Variants in SINHCAF observed in about 807,000 individuals in gnomAD.
SINHCAF encodes the protein SIN3-HDAC complex associated factor.
A neutral mutation model predicts 25.8 loss-of-function variants in SINHCAF; 3 were observed. The ratio of observed to expected loss-of-function variants is 0.12; its 90% CI spans 0.05 to 0.30. SINHCAF has a LOEUF of 0.30. Among genes scored for constraint, SINHCAF ranks in the 10% least tolerant of loss-of-function variants. The pLI, the probability that SINHCAF is intolerant of heterozygous loss-of-function variation, is 1.00. For synonymous variants in SINHCAF, 70 were observed against 85.5 expected, an observed-to-expected ratio of 0.82 and a Z score of 1.00; for missense variants, 121 against 262.3, an observed-to-expected ratio of 0.46 and a Z score of 3.72.
chr12:31,284,878 GCAAGTT>G (rs1156377381), intron 5 of SINHCAF, among the ~76,000 whole-genome samples: 3 of 152,052 alleles, frequency 2.0e-5, no homozygotes, highest in Non-Finnish European at 4.4e-5. Context: ...TTCTGTTAGG[GCAAGTT>G]TATCCACATC....
rs988155224 is a variant in SINHCAF, at chr12:31,325,805, A to G, written c.-21+219T>C. The stretch of plus-strand genomic sequence containing the variant: ...CGGTTTGCCTCAAATACCCTCCCCA[A>G]TTAATAAATACACACTAAACACGAG... On this transcript the variant is annotated intron_variant, in intron 1 of 5. Coordinates refer to ENST00000337682, the MANE Select transcript of SINHCAF (RefSeq NM_001135812.2). This position sits in a 1 kb window ranked among gnomAD's most constrained non-coding sequence, Gnocchi z 5.9. The G allele has an allele frequency of 6.4e-6, 1 of 155,088 alleles. No homozygotes were observed. Among genetic ancestry groups the G allele is most frequent in the African/African-American group, 2.4e-5 (1 of 41,418 alleles). 9.6% of individuals were successfully genotyped at this position (155,088 alleles called of 1,614,324 possible).
chr12:31,299,505 A>C (rs770624520), intron 1 of SINHCAF, among the ~76,000 whole-genome samples: 1 of 152,050 alleles, frequency 6.6e-6, no homozygotes, highest in Non-Finnish European at 1.5e-5. Context: ...TTTAGTAGAG[A>C]CAGGGTTTCA....
chr12:31,292,244 T>TA (rs1219202960), intron 4 of SINHCAF, among the ~76,000 whole-genome samples: 2 of 152,204 alleles, frequency 1.3e-5, no homozygotes, highest in African/African-American at 4.8e-5. Flanking sequence ...TTCACACTTG[T>TA]AATCCCAGCA....
At chr12:31,290,117 C>T (rs567828233) in intron 4 of SINHCAF, among the ~76,000 whole-genome samples, 1 of 152,082 alleles carries the variant, frequency 6.6e-6, no homozygotes, top group South Asian at 2.1e-4. Context: ...CATGGTCACA[C>T]CTAGCCAAGA....
chr12:31,309,127 CAA>C (rs757095598), intron 1 of SINHCAF, among the ~76,000 whole-genome samples: 15,635 of 74,646 alleles, frequency 0.21, 561 homozygotes, highest in Non-Finnish European at 0.28. Flanking sequence ...GATTCTGTCT[CAA>C]AAAAAAAAAA....
rs765491453 is a variant in SINHCAF at position 31,325,227 on chromosome 12, G to A, written c.-21+797C>T. On this transcript the variant is annotated intron_variant, in intron 1 of 5. Transcript: ENST00000337682. This position sits in a 1 kb window ranked among gnomAD's most constrained non-coding sequence, Gnocchi z 5.9. ...CACCTACGCTACAGGTGAACGCACCGGGAGCAAAACTTCGGGCTCCGAAAG... is the reference window on the plus strand; with the variant it reads ...CACCTACGCTACAGGTGAACGCACCAGGAGCAAAACTTCGGGCTCCGAAAG... The A allele has an allele frequency of 1.8e-5, 8 of 456,794 alleles. No homozygotes were observed. Among genetic ancestry groups the A allele is most frequent in the South Asian group, 1.1e-4 (7 of 64,572 alleles). 28.3% of individuals were successfully genotyped at this position (456,794 alleles called of 1,614,324 possible). A position where few individuals can be genotyped will look rare whatever the true frequency, so the allele number is the denominator to read the frequency against.
rs923289731 is a variant in SINHCAF at position 31,325,612 on chromosome 12, G to C, written c.-21+412C>G. 3.8e-5 allele frequency: 7 copies of C among 186,498 alleles called. No individual in the cohort carries two copies. The highest frequency in any genetic ancestry group is 1.7e-4 in the African/African-American group (7 of 41,800). The allele number at this position is 186,498 out of a possible 1,614,324, so 11.6% of individuals were successfully genotyped here. The stretch of plus-strand genomic sequence containing the variant: ...GACGCACCGACCCCGGCCGCTGCGC[G>C]GTGGCCAACGAGTCGCTTTCCTCTC... On this transcript the variant is annotated intron_variant, in intron 1 of 5. Coordinates refer to ENST00000337682, the MANE Select transcript of SINHCAF (RefSeq NM_001135812.2). The surrounding 1 kb of genome is among the most constrained non-coding windows in gnomAD (Gnocchi z 5.9).
At chr12:31,311,081 C>T (rs1275788348) in intron 1 of SINHCAF, among the ~76,000 whole-genome samples, 2 of 152,154 alleles carry the variant, frequency 1.3e-5, no homozygotes, top group African/African-American at 4.8e-5. Context: ...GTTGGCCAGG[C>T]TGGCCTCGAA....
At chr12:31,314,291 G>A (rs1284161830) in intron 1 of SINHCAF, among the ~76,000 whole-genome samples, 2 of 151,726 alleles carry the variant, frequency 1.3e-5, no homozygotes, top group Admixed American at 6.6e-5. Context: ...TTTAGGAGGC[G>A]AGGCGGGCGG....
chr12:31,305,354 G>A (rs1298432940), intron 1 of SINHCAF, among the ~76,000 whole-genome samples: 1 of 152,160 alleles, frequency 6.6e-6, no homozygotes, highest in Non-Finnish European at 1.5e-5. Flanking sequence ...CTTTTCATGA[G>A]CTGGTGAACA....
chr12:31,321,905 G>T (rs1396085704), intron 1 of SINHCAF, among the ~76,000 whole-genome samples: 1 of 151,984 alleles, frequency 6.6e-6, no homozygotes, highest in Non-Finnish European at 1.5e-5. Flanking sequence ...ATGTAAAATG[G>T]TTCTTAAATT....
intron 1 of SINHCAF, among the ~76,000 whole-genome samples, chr12:31,322,091 A>G (rs891122142): frequency 3.3e-5 from 5 of 152,192 alleles, no homozygotes; most frequent in African/African-American, 1.2e-4. Context: ...CCAGTGATCT[A>G]GAATATTCTA....
intron 5 of SINHCAF, 49 bp from the exon 6 acceptor site, chr12:31,282,920 G>A: frequency 1.4e-6 from 2 of 1,427,436 alleles, no homozygotes; most frequent in Non-Finnish European, 1.9e-6. Context: ...AAGAAAAATA[G>A]GAATACAAAA....
intron 5 of SINHCAF, among the ~76,000 whole-genome samples, chr12:31,285,739 G>T (rs911753430): frequency 6.6e-6 from 1 of 152,082 alleles, no homozygotes; most frequent in Non-Finnish European, 1.5e-5. Context: ...ACTTTGGGAG[G>T]TCAAGGCAGG....
chr12:31,316,987 G>A (rs67228087), intron 1 of SINHCAF, among the ~76,000 whole-genome samples: 9,207 of 152,188 alleles, frequency 0.06, 362 homozygotes, highest in Middle Eastern at 0.17. Flanking sequence ...TGCATGCTTT[G>A]AAGGACATCA....
At chr12:31,297,643 T>G (rs1406666945) in intron 2 of SINHCAF, among the ~76,000 whole-genome samples, 2 of 151,920 alleles carry the variant, frequency 1.3e-5, no homozygotes, top group East Asian at 3.9e-4. Context: ...CAGCTTATTT[T>G]TGTATTTTTA....
rs1409748915 is a variant in SINHCAF, at chr12:31,324,009, A to C, written c.-21+2015T>G. ...TGCCGAGAGAGACGCCGAGCCAGCA[A>C]GTAAGAATGCTCCCTGGTGGATTTG... On this transcript the variant is annotated intron_variant, in intron 1 of 5. Coordinates refer to ENST00000337682, the MANE Select transcript of SINHCAF (RefSeq NM_001135812.2). The surrounding 1 kb of genome is among the most constrained non-coding windows in gnomAD (Gnocchi z 5.5). 1 of 442,254 alleles carries C rather than the reference A, an allele frequency of 2.3e-6. No individual in the cohort carries two copies. Among genetic ancestry groups the C allele is most frequent in the African/African-American group, 2.0e-5 (1 of 50,040 alleles). The allele number at this position is 442,254 out of a possible 1,614,324, so 27.4% of individuals were successfully genotyped here. A position where few individuals can be genotyped will look rare whatever the true frequency, so the allele number is the denominator to read the frequency against.
chr12:31,311,673 A>C (rs1290779082), intron 1 of SINHCAF: 2 of 454,248 alleles, frequency 4.4e-6, no homozygotes, highest in Non-Finnish European at 8.6e-6. Context: ...AGCTTATAAC[A>C]ATATTTTTGA....
At chr12:31,292,159 G>A (rs1300408125) in intron 4 of SINHCAF, among the ~76,000 whole-genome samples, 2 of 152,156 alleles carry the variant, frequency 1.3e-5, no homozygotes, top group African/African-American at 4.8e-5. Flanking sequence ...CAGTTCCTCG[G>A]CCTTCAAGTG....
Sources: gnomAD v4.1 joint callset for allele counts (sites outside exome capture counted in the v4.1 genomes callset) on GRCh38, gnomAD v4.1.1 for gene constraint, Gnocchi (gnomAD v3.1) non-coding constraint, MANE v1.5 for transcripts, NCBI Gene and HGNC (gene_info 2026-07-23, HGNC 2026-07-21) for gene names.